The following NRXN3 variants were observed in gnomAD, a reference collection of about 807,000 sequenced individuals.
NRXN3 encodes neurexin III.
NRXN3 carries 32 observed loss-of-function variants against 137.6 expected under a neutral mutation model. The observed-to-expected ratio is 0.23, with a 90% CI of 0.18 to 0.31. NRXN3 has a LOEUF of 0.31. Ranked by LOEUF, NRXN3 falls within the 10% of genes least tolerant of loss-of-function variation. The pLI is 1.00. For synonymous variants in NRXN3, 798 were observed against 784.5 expected, an observed-to-expected ratio of 1.02 and a Z score of -0.29; for missense variants, 1,574 against 2,062.5, an observed-to-expected ratio of 0.76 and a Z score of 4.59.
chr14:78,521,305 G>A (rs182039595), intron 4 of NRXN3, among the ~76,000 whole-genome samples: 1 of 152,222 alleles, frequency 6.6e-6, no homozygotes, highest in African/African-American at 2.4e-5. Context: ...CTTTCTTGAT[G>A]TTTAGGTTAG....
intron 20 of NRXN3, among the ~76,000 whole-genome samples, chr14:79,852,670 G>A (rs1229537572): frequency 2.0e-5 from 3 of 151,696 alleles, no homozygotes. Context: ...TTTTAATTTT[G>A]GCTATCACGA....
At chr14:79,278,383 C>T (rs1183756031) in intron 15 of NRXN3, among the ~76,000 whole-genome samples, 4 of 152,150 alleles carry the variant, frequency 2.6e-5, no homozygotes, top group Non-Finnish European at 4.4e-5. Context: ...GTTACCGTGT[C>T]CTGGCAGAGC....
chr14:79,662,067 T>C lies in NRXN3; in HGVS notation c.3445-1711T>C, dbSNP rs550104048. On this transcript the variant is annotated intron_variant, in intron 16 of 20. Transcript: ENST00000335750. ...GTTTTCCTCTTTTGCCTGGCACTTC[T>C]CCTTCCTGCTGCCACGTGAAGAAGG... Among the ~76,000 whole-genome samples the C allele has an allele frequency of 5.3e-5, 8 of 152,274 alleles. No individual in the cohort carries two copies. The South Asian group carries it at 1.2e-3, about 24-fold the overall frequency.
chr14:79,717,700 C>T (rs948008274), intron 19 of NRXN3, among the ~76,000 whole-genome samples: 8 of 152,128 alleles, frequency 5.3e-5, no homozygotes, highest in Non-Finnish European at 1.0e-4. Context: ...GTTTAAGGTG[C>T]CCAAGCTACT....
rs376028579 is a variant in NRXN3 at position 79,423,342 on chromosome 14, T to C, written c.3263-43879T>C. Among the ~76,000 whole-genome samples, 13 of 152,328 alleles carry C rather than the reference T, an allele frequency of 8.5e-5. No individual in the cohort carries two copies. In the East Asian group the frequency reaches 2.5e-3, roughly 29 times the overall value. On this transcript the variant is annotated intron_variant, in intron 15 of 20. Coordinates refer to ENST00000335750, the MANE Select transcript of NRXN3 (RefSeq NM_001330195.2). ...GGTCTTCTCTGATTATATATCTCTTTTGGTTTTCCTTTCCAAGCTCCATCT... is the reference window on the plus strand; with the variant it reads ...GGTCTTCTCTGATTATATATCTCTTCTGGTTTTCCTTTCCAAGCTCCATCT...
At chr14:78,468,088 T>C (rs2095166388) in intron 4 of NRXN3, among the ~76,000 whole-genome samples, 1 of 152,150 alleles carries the variant, frequency 6.6e-6, no homozygotes, top group Admixed American at 6.6e-5. Context: ...CATGCCTGGC[T>C]AATTTTTGTA....
intron 20 of NRXN3, among the ~76,000 whole-genome samples, chr14:79,848,932 A>C (rs1308385572): frequency 6.6e-6 from 1 of 152,166 alleles, no homozygotes; most frequent in Non-Finnish European, 1.5e-5. Context: ...AAGAGCTAAA[A>C]CAGAACTTTG....
chr14:79,491,601 A>G (rs2096717547), intron 16 of NRXN3, among the ~76,000 whole-genome samples: 2 of 141,728 alleles, frequency 1.4e-5, no homozygotes, highest in East Asian at 1.9e-4. Context: ...TTTTCGTCTC[A>G]AAAAAAAGCA....
At chr14:79,687,973 G>C (rs1036642706) in intron 17 of NRXN3, among the ~76,000 whole-genome samples, 1 of 151,482 alleles carries the variant, frequency 6.6e-6, no homozygotes, top group Non-Finnish European at 1.5e-5. Context: ...GAATATTAAG[G>C]ATGTTACATT....
At chr14:79,460,754 A>G (rs2096324697) in intron 15 of NRXN3, among the ~76,000 whole-genome samples, 2 of 152,202 alleles carry the variant, frequency 1.3e-5, no homozygotes, top group African/African-American at 4.8e-5. Flanking sequence ...TTGCTTGAGC[A>G]TTGTCTAAGA....
At chr14:78,416,403 GT>G (rs1480449617) in intron 4 of NRXN3, among the ~76,000 whole-genome samples, 2 of 152,050 alleles carry the variant, frequency 1.3e-5, no homozygotes, top group Non-Finnish European at 2.9e-5. Flanking sequence ...TGTATGCTTT[GT>G]TTTTTTCACT....
intron 15 of NRXN3, among the ~76,000 whole-genome samples, chr14:79,316,733 TC>T (rs1460457407): frequency 1.6e-3 from 234 of 144,598 alleles, no homozygotes; most frequent in Admixed American, 2.5e-3. Flanking sequence ...CCTGTCCCTC[TC>T]TCTCTCTCTC....
intron 16 of NRXN3, among the ~76,000 whole-genome samples, chr14:79,475,754 C>T (rs1230284141): frequency 6.6e-6 from 1 of 151,938 alleles, no homozygotes; most frequent in East Asian, 1.9e-4. Context: ...ATTTTATTTT[C>T]CTAAGCAATG....
intron 19 of NRXN3, among the ~76,000 whole-genome samples, chr14:79,714,181 A>T (rs978537252): frequency 1.3e-5 from 2 of 152,210 alleles, no homozygotes; most frequent in African/African-American, 2.4e-5. Context: ...TTAATGTTGG[A>T]TGGATGTACA....
chr14:78,988,375 G>A (rs2099511484), intron 15 of NRXN3: 14 of 500,828 alleles, frequency 2.8e-5, no homozygotes, highest in South Asian at 2.4e-4. Context: ...TTTTTCTTTA[G>A]ATTAGAATAG....
intron 15 of NRXN3, among the ~76,000 whole-genome samples, chr14:79,415,889 A>G (rs2095490104): frequency 6.6e-6 from 1 of 152,106 alleles, no homozygotes. Context: ...TGCCTGATAT[A>G]CTGAATTGGA....
At chr14:78,324,537 A>G (rs1254502913) in intron 4 of NRXN3, among the ~76,000 whole-genome samples, 2 of 152,136 alleles carry the variant, frequency 1.3e-5, no homozygotes, top group African/African-American at 4.8e-5. Flanking sequence ...AGTATAAATA[A>G]CAAAACCAAA....
intron 15 of NRXN3, among the ~76,000 whole-genome samples, chr14:79,337,045 C>A (rs773022284): frequency 2.6e-5 from 4 of 152,072 alleles, no homozygotes; most frequent in Non-Finnish European, 4.4e-5. Context: ...GAAAAATGAC[C>A]GACAAGATGT....
chr14:79,058,144 G>A (rs1440151880), intron 15 of NRXN3, among the ~76,000 whole-genome samples: 1 of 151,714 alleles, frequency 6.6e-6, no homozygotes, highest in Non-Finnish European at 1.5e-5. Flanking sequence ...GTTGTGGGCT[G>A]GAAAAAAAAA....
Sources: gnomAD v4.1 joint callset for allele counts (sites outside exome capture counted in the v4.1 genomes callset) on GRCh38, gnomAD v4.1.1 for gene constraint, MANE v1.5 for transcripts, NCBI Gene and HGNC (gene_info 2026-07-23, HGNC 2026-07-21) for gene names.